Variants in SETX observed in about 807,000 individuals in gnomAD.
SETX encodes helicase senataxin.
A neutral mutation model predicts 227.2 loss-of-function variants in SETX; 90 were observed. The ratio of observed to expected loss-of-function variants is 0.40; its 90% CI spans 0.33 to 0.47. The LOEUF is 0.47. Among genes scored for constraint, SETX ranks in the 20% least tolerant of loss-of-function variants. The pLI is 0.91. For missense variants in SETX, 3,052 were observed against 3,181.5 expected, an observed-to-expected ratio of 0.96 and a Z score of 0.98; for synonymous variants, 1,210 against 1,113.2, an observed-to-expected ratio of 1.09 and a Z score of -1.73.
chr9:132,346,639 T>C (rs1848309628), intron 3 of SETX, among the ~76,000 whole-genome samples, 168 bp from the exon 4 acceptor site: 1 of 152,086 alleles, frequency 6.6e-6, no homozygotes, highest in Non-Finnish European at 1.5e-5. Flanking sequence ...GCCACTTTTA[T>C]GAAAAGTGAG....
chr9:132,356,531 G>A (rs1477471910), upstream of SETX, among the ~76,000 whole-genome samples: 1 of 152,088 alleles, frequency 6.6e-6, no homozygotes, highest in African/African-American at 2.4e-5. Context: ...GCCTACTACT[G>A]ACCACGATGA....
At chr9:132,307,868 G>A (rs10901154) in intron 11 of SETX, among the ~76,000 whole-genome samples, 36,799 of 151,828 alleles carry the variant, frequency 0.24, 5,617 homozygotes, top group East Asian at 0.67. Context: ...TAGTAGAGAC[G>A]GGGTTTTGCC....
At chr9:132,281,278 AC>A (rs376479866) in intron 20 of SETX, among the ~76,000 whole-genome samples, 188 bp downstream of exon 20, 11 of 152,284 alleles carry the variant, frequency 7.2e-5, no homozygotes, top group African/African-American at 2.6e-4. Flanking sequence ...ACACAGAAGA[AC>A]AACTATGACC....
Position 132,264,131 on chromosome 9 carries a change from C to A in SETX, c.*108G>T. The A allele has an allele frequency of 6.7e-7, 1 of 1,502,600 alleles. No homozygotes were observed. Among genetic ancestry groups the A allele is most frequent in the South Asian group, 1.1e-5 (1 of 88,042 alleles). The allele number at this position is 1,502,600 out of a possible 1,614,324, so 93.1% of individuals were successfully genotyped here. On this transcript the variant is annotated 3_prime_UTR_variant, in exon 26 of 26. Coordinates refer to ENST00000224140, the MANE Select transcript of SETX (RefSeq NM_015046.7). ...AGGATGCATTTTCCATGTTTTCCAA[C>A]AGCACACAAACTCCTTACAAAAAAC... is the stretch of plus-strand genomic sequence containing the variant.
At chr9:132,282,085 T>C (rs1843559041) in intron 19 of SETX, among the ~76,000 whole-genome samples, 1 of 142,856 alleles carries the variant, frequency 7.0e-6, no homozygotes, top group Non-Finnish European at 1.5e-5. Context: ...AAAAGTAAAC[T>C]CTCCAAACAT....
intron 11 of SETX, among the ~76,000 whole-genome samples, chr9:132,308,253 G>A (rs887550370): frequency 6.6e-5 from 10 of 152,100 alleles, no homozygotes; most frequent in African/African-American, 2.4e-4. Context: ...CTATAAAATA[G>A]TTTTGCCAAA....
intron 10 of SETX, among the ~76,000 whole-genome samples, chr9:132,312,616 TAACC>T (rs1845728401): frequency 6.6e-6 from 1 of 152,164 alleles, no homozygotes; most frequent in Non-Finnish European, 1.5e-5. Flanking sequence ...CTGCACTGGT[TAACC>T]AACCAAGACT....
At chr9:132,310,818 CGAT>C (rs1845605958) in intron 11 of SETX, among the ~76,000 whole-genome samples, 1 of 152,048 alleles carries the variant, frequency 6.6e-6, no homozygotes, top group Non-Finnish European at 1.5e-5. Context: ...CTGAGTGTGA[CGAT>C]GATAAAGATG....
At position 132,296,172 on chromosome 9, in the gene SETX, T is replaced by A. The variant is rs182867589; in HGVS notation, c.5950-144A>T. On this transcript the variant is annotated intron_variant, in intron 14 of 25. Coordinates refer to ENST00000224140, the MANE Select transcript of SETX (RefSeq NM_015046.7). ...TTAAAAATAAATAAAAGCATCTACA[T>A]CTAACACTGATATTTAAAATTACTC... is the stretch of plus-strand genomic sequence containing the variant. 1.7e-5 allele frequency: 17 copies of A among 1,018,872 alleles called. 1 individual carries two copies. In the Admixed American group the frequency reaches 3.7e-4, roughly 22 times the overall value. 63.1% of individuals were successfully genotyped at this position (1,018,872 alleles called of 1,614,324 possible). A position where few individuals can be genotyped will look rare whatever the true frequency, so the allele number is the denominator to read the frequency against.
At position 132,328,981 on chromosome 9, in the gene SETX, C is replaced by T. The variant is rs1218684699; in HGVS notation, c.2617G>A (p.Glu873Lys). ...LPKEKQLKNE[E>K]LVIFSFHENN... ...TCATGGAAAGAGAAAATAACTAATTCTTCATTCTTTAATTGTTTCTCTTTT... is the reference window on the plus strand; with the variant it reads ...TCATGGAAAGAGAAAATAACTAATTTTTCATTCTTTAATTGTTTCTCTTTT... The change falls in exon 10 of 26, where the codon GAA becomes AAA. Residue 873 changes from glutamate to lysine, a missense_variant. By Grantham distance (56) the Glu-to-Lys change is moderately conservative. Around this residue, in one of 10 missense-constraint regions of SETX, gnomAD observed 1,483 missense variants for 1,312.0 expected, o/e 1.13. Coordinates refer to ENST00000224140, the MANE Select transcript of SETX (RefSeq NM_015046.7). 1.2e-6 allele frequency: 2 copies of T among 1,606,812 alleles called. No individual in the cohort carries two copies. Among genetic ancestry groups the T allele is most frequent in the African/African-American group, 2.7e-5 (2 of 74,674 alleles).
intron 20 of SETX, among the ~76,000 whole-genome samples, chr9:132,278,886 A>T (rs1843335662): frequency 6.6e-6 from 1 of 152,226 alleles, no homozygotes; most frequent in African/African-American, 2.4e-5. Flanking sequence ...TGTACTAAGC[A>T]TCTATAATTT....
chr9:132,350,339 A>C (rs993610763), intron 2 of SETX, among the ~76,000 whole-genome samples: 1 of 152,096 alleles, frequency 6.6e-6, no homozygotes, highest in South Asian at 2.1e-4. Context: ...GACAGAGTGA[A>C]ACTCTGTCTC....
chr9:132,298,790 GAGA>G (rs1305872099), intron 12 of SETX, among the ~76,000 whole-genome samples: 3 of 152,168 alleles, frequency 2.0e-5, no homozygotes, highest in Non-Finnish European at 2.9e-5. Flanking sequence ...GAAAAATAGG[GAGA>G]AGAACGCTTA....
intron 11 of SETX, among the ~76,000 whole-genome samples, chr9:132,302,677 AAAGC>A (rs2131315640): frequency 1.5e-5 from 2 of 132,332 alleles, no homozygotes; most frequent in African/African-American, 6.7e-5. Context: ...AAAAAAAAAA[AAAGC>A]AAAAAAAAAA....
chr9:132,300,883 T>C, intron 11 of SETX, 80 bp from the exon 12 acceptor site: 1 of 1,345,722 alleles, frequency 7.4e-7, no homozygotes, highest in Non-Finnish European at 1.0e-6. Flanking sequence ...AGAAATTAAA[T>C]CCTTGTATTA....
chr9:132,313,837 AAC>A (rs1447625646), intron 10 of SETX, among the ~76,000 whole-genome samples: 1 of 151,608 alleles, frequency 6.6e-6, no homozygotes, highest in East Asian at 2.0e-4. Flanking sequence ...TAAAAAAAAA[AAC>A]AATAAAAAGA....
rs1847015713 is a variant in SETX, at chr9:132,328,667, T to C, written c.2931A>G (p.Pro977=). 5 of 1,613,484 alleles carry C rather than the reference T, an allele frequency of 3.1e-6. No individual in the cohort carries two copies. Among genetic ancestry groups the C allele is most frequent in the South Asian group, 1.1e-5 (1 of 90,946 alleles). The change falls in exon 10 of 26, where the codon CCA becomes CCG. Residue 977 remains proline (P), a synonymous_variant. Transcript: ENST00000224140. Reference sequence around the variant, plus strand: ...GCGATGAGTTCTGAGGTGAATCGGATGGGAACGTAATAACACTGGCTTGAG... The same window carrying C: ...GCGATGAGTTCTGAGGTGAATCGGACGGGAACGTAATAACACTGGCTTGAG... ...LLAQASVITF[P]SDSPQNSSQL...
Position 132,264,754 on chromosome 9 carries a change from A to C in SETX, c.7519T>G (p.Ser2507Ala). ...SGFAKTSVAA[S>A]LYHTPSDSKE... ...GAGTCAGAGGGTGTGTGGTATAGAG[A>C]AGCAGCAACAGATGTCTTGGCAAAT... Residue 2507 changes from serine to alanine, a missense_variant, in exon 26 of 26, where the codon TCT (serine) becomes GCT (alanine). Coordinates refer to ENST00000224140, the MANE Select transcript of SETX (RefSeq NM_015046.7). 1 of 1,614,168 alleles carries C rather than the reference A, an allele frequency of 6.2e-7. No homozygotes were observed. Among genetic ancestry groups the C allele is most frequent in the Non-Finnish European group, 8.5e-7 (1 of 1,180,026 alleles).
chr9:132,331,539 G>A (rs2131469509), intron 7 of SETX, 91 bp from the exon 8 acceptor site: 2 of 1,383,248 alleles, frequency 1.4e-6, no homozygotes, highest in South Asian at 1.2e-5. Flanking sequence ...TTTATCTGGT[G>A]AGTAGCAACC....
Sources: allele counts gnomAD v4.1 joint callset (sites outside exome capture counted in the v4.1 genomes callset), GRCh38; gene constraint gnomAD v4.1.1; regional missense constraint gnomAD v4.1.1; transcripts MANE v1.5; gene names NCBI Gene and HGNC (gene_info 2026-07-23, HGNC 2026-07-21).